TENM2: variants seen among roughly 807,000 people sequenced by gnomAD.
TENM2 encodes teneurin-2.
A neutral mutation model predicts 245.2 loss-of-function variants in TENM2; 52 were observed. The observed-to-expected ratio is 0.21, with a 90% CI of 0.17 to 0.27. The LOEUF (loss-of-function observed/expected upper bound fraction) is 0.27, where lower values mean the gene tolerates loss of function less well. TENM2 is among the 10% of genes least tolerant of loss of function. TENM2 has a pLI of 1.00. For missense variants in TENM2, 3,046 were observed against 3,666.8 expected (o/e 0.83, Z 4.37); for synonymous variants, 1,363 against 1,438.9 (o/e 0.95, Z 1.19).
intron 2 of TENM2, among the ~76,000 whole-genome samples, chr5:167,602,046 G>A (rs902996584): frequency 1.9e-4 from 29 of 151,836 alleles, no homozygotes; most frequent in Admixed American, 3.3e-4. Flanking sequence ...ACACAGAGAA[G>A]GTAGCTTTTC....
intron 2 of TENM2, among the ~76,000 whole-genome samples, chr5:167,491,992 G>C (rs961070583): frequency 6.6e-6 from 1 of 152,134 alleles, no homozygotes; most frequent in East Asian, 1.9e-4. Flanking sequence ...GCAATGGAAA[G>C]AGGAACGCTT....
chr5:168,202,863 T>C (rs1260032724), intron 17 of TENM2, among the ~76,000 whole-genome samples: 3 of 152,208 alleles, frequency 2.0e-5, no homozygotes, highest in African/African-American at 7.2e-5. Context: ...CTCATATTTC[T>C]AGAGCAGCAT....
At position 167,555,826 on chromosome 5, in the gene TENM2, C is replaced by T. The variant is rs146948575; in HGVS notation, c.502+180353C>T. On this transcript the variant is annotated intron_variant, in intron 2 of 28. Transcript: ENST00000518659. Reference sequence around the variant, plus strand: ...CCTGCTGGAGAGCTCCAAAGCTGCACGGCACCCTCTGAAATGAGCTTGGTC... The same window carrying T: ...CCTGCTGGAGAGCTCCAAAGCTGCATGGCACCCTCTGAAATGAGCTTGGTC... Among the ~76,000 whole-genome samples, 7 of 152,134 alleles carry T rather than the reference C, an allele frequency of 4.6e-5. No individual in the cohort carries two copies. The East Asian group carries it at 1.4e-3, about 29-fold the overall frequency.
At chr5:167,801,093 AAG>A (rs1253487575) in intron 2 of TENM2, among the ~76,000 whole-genome samples, 1 of 74,290 alleles carries the variant, frequency 1.3e-5, no homozygotes, top group Non-Finnish European at 2.5e-5. Context: ...TGTATTTGAA[AAG>A]AAAAAAAAAA....
chr5:167,444,024 A>C (rs1012981404), intron 2 of TENM2, among the ~76,000 whole-genome samples: 1 of 152,110 alleles, frequency 6.6e-6, no homozygotes, highest in Non-Finnish European at 1.5e-5. Context: ...ATTGGCACAT[A>C]AATGTTTAAT....
At chr5:168,226,933 A>G (rs1347948922) in intron 24 of TENM2, among the ~76,000 whole-genome samples, 1 of 152,240 alleles carries the variant, frequency 6.6e-6, no homozygotes, top group Non-Finnish European at 1.5e-5. Flanking sequence ...TCCTCTCAGT[A>G]GATAAATGGT....
At chr5:167,828,639 C>G (rs1398965132) in intron 2 of TENM2, among the ~76,000 whole-genome samples, 1 of 152,020 alleles carries the variant, frequency 6.6e-6, no homozygotes, top group African/African-American at 2.4e-5. Flanking sequence ...ATCTATTTAC[C>G]TACATAGACA....
At chr5:167,642,857 T>C (rs566610454) in intron 2 of TENM2, among the ~76,000 whole-genome samples, 228 of 152,284 alleles carry the variant, frequency 1.5e-3, no homozygotes, top group African/African-American at 5.2e-3. Flanking sequence ...TGTGTGGATA[T>C]AGTATGTGAG....
At chr5:168,134,038 C>T (rs1364389322) in intron 12 of TENM2, among the ~76,000 whole-genome samples, 3 of 152,042 alleles carry the variant, frequency 2.0e-5, no homozygotes, top group Non-Finnish European at 1.5e-5. Context: ...ACCTGTAATC[C>T]CAGCTACTCA....
intron 2 of TENM2, among the ~76,000 whole-genome samples, chr5:167,757,336 G>A (rs969239823): frequency 6.6e-6 from 1 of 151,188 alleles, no homozygotes; most frequent in Admixed American, 6.6e-5. Flanking sequence ...GTGAGAACAT[G>A]CAGTGTTTGG....
chr5:168,037,071 CA>C lies in TENM2; in HGVS notation c.1187-10355del, dbSNP rs376027934. Among the ~76,000 whole-genome samples, 45 of 152,260 alleles carry C rather than the reference CA, an allele frequency of 3.0e-4. 1 individual carries two copies. In the East Asian group the frequency reaches 4.8e-3, roughly 16 times the overall value. ...TTTTTAACGTGATGTTTCTTTCCAT[CA>C]GAATCAAGTTTTAAATGTTTCAGGT... On this transcript the variant is annotated intron_variant, in intron 5 of 28. Coordinates refer to ENST00000518659, the Ensembl canonical transcript of TENM2.
the TENM2 span, among the ~76,000 whole-genome samples, chr5:166,979,383 C>T: frequency 1.3e-5 from 2 of 151,578 alleles, no homozygotes; most frequent in African/African-American, 2.4e-5. Context: ...CCTTCTTTCC[C>T]TCTCTCTCTC....
intron 2 of TENM2, among the ~76,000 whole-genome samples, chr5:167,531,327 A>G (rs916383414): frequency 1.3e-5 from 2 of 152,100 alleles, no homozygotes; most frequent in Non-Finnish European, 2.9e-5. Context: ...CTATCATTTT[A>G]TTTTATTTCA....
chr5:167,564,895 T>G (rs140830195), intron 2 of TENM2, among the ~76,000 whole-genome samples: 23 of 152,348 alleles, frequency 1.5e-4, no homozygotes, highest in Admixed American at 1.4e-3. Flanking sequence ...AAGCAAGTCA[T>G]GGCCAATCCC....
intron 2 of TENM2, among the ~76,000 whole-genome samples, chr5:167,847,527 G>A (rs6555772): frequency 0.93 from 141,168 of 152,264 alleles, 65,944 homozygotes; most frequent in Non-Finnish European, 0.99. Flanking sequence ...CATAGCCTGA[G>A]TTGAACCTTC....
intron 8 of TENM2, among the ~76,000 whole-genome samples, chr5:168,096,522 G>A (rs981511474): frequency 6.6e-6 from 1 of 152,198 alleles, no homozygotes. Context: ...TTTCCTCAGA[G>A]TGCCAGAAAC....
the TENM2 span, among the ~76,000 whole-genome samples, chr5:167,095,416 C>T: frequency 1.3e-5 from 2 of 151,984 alleles, no homozygotes; most frequent in East Asian, 1.9e-4. Context: ...GGAAGAGTGA[C>T]CAAGTGAAGA....
chr5:167,897,163 C>T (rs1775290228), intron 3 of TENM2, among the ~76,000 whole-genome samples: 1 of 152,212 alleles, frequency 6.6e-6, no homozygotes. Flanking sequence ...TAAGGGCTGA[C>T]TGATGAGCTG....
At chr5:168,008,687 G>C (rs1785006353) in intron 5 of TENM2, among the ~76,000 whole-genome samples, 1 of 152,170 alleles carries the variant, frequency 6.6e-6, no homozygotes, top group Non-Finnish European at 1.5e-5. Flanking sequence ...TTTGTCTTGT[G>C]TCGACTATCA....
Sources: allele counts gnomAD v4.1 joint callset (sites outside exome capture counted in the v4.1 genomes callset), GRCh38; gene constraint gnomAD v4.1.1; transcripts MANE v1.5; gene names NCBI Gene and HGNC (gene_info 2026-07-23, HGNC 2026-07-21).